Variants in VIPR2 observed in about 807,000 individuals in gnomAD.
VIPR2 encodes the protein vasoactive intestinal polypeptide receptor 2.
VIPR2 carries 48 observed loss-of-function variants against 58.0 expected under a neutral mutation model. The ratio of observed to expected loss-of-function variants is 0.83; its 90% confidence interval spans 0.66 to 1.05. The LOEUF (loss-of-function observed/expected upper bound fraction) is 1.05, where lower values mean the gene tolerates loss of function less well. Among genes scored for constraint, VIPR2 ranks in the 50% least tolerant of loss-of-function variants. The pLI is 0.00. For synonymous variants in VIPR2, 243 were observed against 235.2 expected, an observed-to-expected ratio of 1.03 and a Z score of -0.30; for missense variants, 534 against 558.0, an observed-to-expected ratio of 0.96 and a Z score of 0.43.
At chr7:159,144,486 G>A (rs1328202135) in intron 1 of VIPR2, 2 of 1,540,130 alleles carry the variant, frequency 1.3e-6, no homozygotes, top group East Asian at 2.5e-5. Flanking sequence ...GGGGCGCGGG[G>A]AAGGGCGCAG....
chr7:159,036,793 G>T lies in VIPR2; in HGVS notation c.707C>A (p.Pro236His). ...GTAGGCCAGGAAGCACCTTCTAGGG[G>T]GGAGCATGGCCACCAGGAGGGTGTG... is the stretch of plus-strand genomic sequence containing the variant. ...YLHTLLVAML[P>H]PRRCFLAYLL... The change falls in exon 7 of 13, where the codon CCC becomes CAC. Residue 236 changes from proline to histidine, a missense_variant. Coordinates refer to ENST00000262178, the MANE Select transcript of VIPR2 (RefSeq NM_003382.5). 1 of 1,613,978 alleles carries T rather than the reference G, an allele frequency of 6.2e-7. No homozygotes were observed. Among genetic ancestry groups the T allele is most frequent in the Non-Finnish European group, 8.5e-7 (1 of 1,179,966 alleles).
chr7:159,077,541 T>C (rs1856698830), intron 4 of VIPR2, among the ~76,000 whole-genome samples: 1 of 151,590 alleles, frequency 6.6e-6, no homozygotes, highest in Non-Finnish European at 1.5e-5. Flanking sequence ...TTTGAGGTAC[T>C]ACAGTGTGCC....
At chr7:159,051,540 C>A (rs748044864) in intron 5 of VIPR2, among the ~76,000 whole-genome samples, 1 of 152,148 alleles carries the variant, frequency 6.6e-6, no homozygotes, top group Admixed American at 6.5e-5. Flanking sequence ...TAGATTAGAA[C>A]TCACAGTTGT....
intron 2 of VIPR2, among the ~76,000 whole-genome samples, chr7:159,115,832 C>A (rs1409912345): frequency 6.6e-6 from 1 of 152,270 alleles, no homozygotes; most frequent in Non-Finnish European, 1.5e-5. Flanking sequence ...GCCCTTCTCA[C>A]CTCCGATTCC....
At position 159,031,423 on chromosome 7, in the gene VIPR2, T is replaced by C. The variant is rs1853575682; in HGVS notation, c.1143+405A>G. On this transcript the variant is annotated intron_variant, in intron 12 of 12. Transcript: ENST00000262178. The surrounding 1 kb of genome is among the most constrained non-coding windows in gnomAD (Gnocchi z 4.0). ...GCAGGGCAGAGCTCGGCTCCGGGCTTCCTCCCCAGGGACTCACAGGACGCT... is the reference window on the plus strand; with the variant it reads ...GCAGGGCAGAGCTCGGCTCCGGGCTCCCTCCCCAGGGACTCACAGGACGCT... 1 of 984,680 alleles carries C rather than the reference T, an allele frequency of 1.0e-6. No individual in the cohort carries two copies. The highest frequency in any genetic ancestry group is 1.7e-5 in the African/African-American group (1 of 57,264). The allele number at this position is 984,680 out of a possible 1,614,324, so 61.0% of individuals were successfully genotyped here.
At position 159,034,848 on chromosome 7, in the gene VIPR2, C is replaced by T. The variant is rs372138314; in HGVS notation, c.810-198G>A. Among the ~76,000 whole-genome samples, 20 of 152,240 alleles carry T rather than the reference C, an allele frequency of 1.3e-4. No homozygotes were observed. In the East Asian group the frequency reaches 2.5e-3, roughly 19 times the overall value. ...TTCATGCTTTCAAAACAATAGTCGG[C>T]TTGTGGGGAGGAGGAATGGAGGTGC... is the stretch of plus-strand genomic sequence containing the variant. On this transcript the variant is annotated intron_variant, in intron 8 of 12. Transcript: ENST00000262178.
At chr7:159,072,153 A>G (rs1356365738) in intron 4 of VIPR2, among the ~76,000 whole-genome samples, 1 of 150,642 alleles carries the variant, frequency 6.6e-6, no homozygotes, top group Non-Finnish European at 1.5e-5. Flanking sequence ...ACTGGCAACA[A>G]AAATAAAGAG....
intron 4 of VIPR2, among the ~76,000 whole-genome samples, chr7:159,076,282 G>GT (rs1470167370): frequency 2.0e-5 from 3 of 152,224 alleles, no homozygotes; most frequent in African/African-American, 7.2e-5. Context: ...TGTAGATCGT[G>GT]TAAGTCCATA....
At chr7:159,079,592 C>A (rs1288737213) in intron 4 of VIPR2, among the ~76,000 whole-genome samples, 1 of 152,082 alleles carries the variant, frequency 6.6e-6, no homozygotes, top group East Asian at 1.9e-4. Flanking sequence ...CAAAAGCTAG[C>A]AGAAGGCAAG....
rs116916075 is a variant in VIPR2, at chr7:159,047,622, T to C, written c.456-4446A>G. Among the ~76,000 whole-genome samples, 591 of 152,368 alleles carry C rather than the reference T, an allele frequency of 3.9e-3. 2 individuals carry two copies. The highest frequency in any genetic ancestry group is 6.8e-3 in the Non-Finnish European group (460 of 68,032). On this transcript the variant is annotated intron_variant, in intron 5 of 12. Coordinates refer to ENST00000262178, the MANE Select transcript of VIPR2 (RefSeq NM_003382.5). Reference sequence around the variant, plus strand: ...TCCATTATTGCTTCTTTCCACTGTATAATACTATTGAAAGTATTTGTGTTC... The same window carrying C: ...TCCATTATTGCTTCTTTCCACTGTACAATACTATTGAAAGTATTTGTGTTC...
intron 4 of VIPR2, among the ~76,000 whole-genome samples, chr7:159,081,327 A>G (rs1180546271): frequency 6.6e-6 from 1 of 152,244 alleles, no homozygotes; most frequent in Non-Finnish European, 1.5e-5. Context: ...ATCTACAACT[A>G]TCTGATCTTT....
rs951296757 is a variant in VIPR2 at position 159,030,611 on chromosome 7, T to TG, written c.*4dup. On this transcript the variant is annotated 3_prime_UTR_variant, in exon 13 of 13. Coordinates refer to ENST00000262178, the MANE Select transcript of VIPR2 (RefSeq NM_003382.5). ...TCCCGCCGCGTCCGACAGGCAGGGGTGGGGCTAGATGACCGAGGTCTCCGT... is the reference window on the plus strand; with the variant it reads ...TCCCGCCGCGTCCGACAGGCAGGGGTGGGGGCTAGATGACCGAGGTCTCCGT... 1 of 1,529,828 alleles carries TG rather than the reference T, an allele frequency of 6.5e-7. No individual in the cohort carries two copies. The highest frequency in any genetic ancestry group is 8.8e-7 in the Non-Finnish European group (1 of 1,136,018). The allele number at this position is 1,529,828 out of a possible 1,614,324, so 94.8% of individuals were successfully genotyped here.
chr7:159,130,228 A>C (rs1475588347), intron 2 of VIPR2, among the ~76,000 whole-genome samples: 1 of 152,220 alleles, frequency 6.6e-6, no homozygotes, highest in Non-Finnish European at 1.5e-5. Context: ...AGAGACTTTT[A>C]GGTTATGGTT....
At position 159,098,229 on chromosome 7, in the gene VIPR2, A is replaced by G. The variant is rs1455163947; in HGVS notation, c.357+5528T>C. On this transcript the variant is annotated intron_variant, in intron 4 of 12. Transcript: ENST00000262178. The surrounding 1 kb of genome is among the most constrained non-coding windows in gnomAD (Gnocchi z 5.2). ...GGGCAGGGCCGGGTGGTCGGGCCCC[A>G]GCACACGGCTCGGGGAGCCTCCCAC... Among the ~76,000 whole-genome samples, 2 of 152,196 alleles carry G rather than the reference A, an allele frequency of 1.3e-5. No individual in the cohort carries two copies. Among genetic ancestry groups the G allele is most frequent in the Non-Finnish European group, 2.9e-5 (2 of 68,016 alleles).
rs183752740 is a variant in VIPR2 at position 159,058,566 on chromosome 7, T to A, written c.370A>T (p.Ile124Phe). The change falls in exon 5 of 13, where the codon ATT (isoleucine) becomes TTT (phenylalanine). Residue 124 changes from isoleucine to phenylalanine, a missense_variant. Ile to Phe is a conservative substitution (Grantham distance 21, BLOSUM62 0). Coordinates refer to ENST00000262178, the MANE Select transcript of VIPR2 (RefSeq NM_003382.5). ...AGTGTATAAATGGCCTTCACCAGAA[T>A]ATAAAACGTGATCTACAAAGAAAGA... ...PEDESKITFY[I>F]LVKAIYTLGY... The A allele has an allele frequency of 9.6e-5, 155 of 1,610,682 alleles. 1 individual carries two copies. The Admixed American group carries it at 1.9e-3, about 20-fold the overall frequency.
At chr7:159,060,226 T>G (rs868378879) in intron 4 of VIPR2, among the ~76,000 whole-genome samples, 1 of 146,782 alleles carries the variant, frequency 6.8e-6, no homozygotes, top group South Asian at 2.2e-4. Context: ...TAATCTGTAC[T>G]CACTTCACCT....
rs756626288 is a variant in VIPR2 at position 159,096,962 on chromosome 7, G to A, written c.357+6795C>T. The A allele has an allele frequency of 6.4e-7, 1 of 1,550,624 alleles. No homozygotes were observed. Among genetic ancestry groups the A allele is most frequent in the South Asian group, 1.2e-5 (1 of 84,054 alleles). ...GCTGGCATTGAGCTTGGCACCTGCT[G>A]GGCCTGAGGACCATGAGGGGAGGCT... is the stretch of plus-strand genomic sequence containing the variant. On this transcript the variant is annotated intron_variant, in intron 4 of 12. Transcript: ENST00000262178. This position sits in a 1 kb window ranked among gnomAD's most constrained non-coding sequence, Gnocchi z 5.5.
intron 5 of VIPR2, among the ~76,000 whole-genome samples, chr7:159,056,854 C>T (rs548706140): frequency 5.1e-4 from 77 of 152,262 alleles, no homozygotes; most frequent in South Asian, 6.2e-4. Context: ...GACAGAAGGA[C>T]GTGGGATGAG....
chr7:159,041,683 C>T lies in VIPR2; in HGVS notation c.597+1352G>A, dbSNP rs573173007. ...TGGGTCCTGAGGGTCTGTAACGGGT[C>T]CTGAGGGTCTTTCATGGGTCACTGC... On this transcript the variant is annotated intron_variant, in intron 6 of 12. Coordinates refer to ENST00000262178, the MANE Select transcript of VIPR2 (RefSeq NM_003382.5). Among the ~76,000 whole-genome samples the T allele has an allele frequency of 4.8e-5, 7 of 146,562 alleles. No individual in the cohort carries two copies. In the South Asian group the frequency reaches 1.5e-3, roughly 32 times the overall value.
Sources: gnomAD v4.1 joint callset for allele counts (sites outside exome capture counted in the v4.1 genomes callset) on GRCh38, gnomAD v4.1.1 for gene constraint, Gnocchi (gnomAD v3.1) non-coding constraint, MANE v1.5 for transcripts, NCBI Gene and HGNC (gene_info 2026-07-23, HGNC 2026-07-21) for gene names.